The following GRIP1 variants were observed in gnomAD, a reference collection of about 807,000 sequenced individuals.
GRIP1 encodes glutamate receptor-interacting protein 1.
In GRIP1, 45 loss-of-function variants were observed where a neutral mutation model predicts 129.9. The ratio of observed to expected loss-of-function variants is 0.35; its 90% CI spans 0.27 to 0.44. The LOEUF (loss-of-function observed/expected upper bound fraction) is 0.44. Ranked by LOEUF, GRIP1 falls within the 20% of genes least tolerant of loss-of-function variation. The pLI is 1.00. For missense variants in GRIP1, 1,196 were observed against 1,396.8 expected, an observed-to-expected ratio of 0.86 and a Z score of 2.29; for synonymous variants, 530 against 520.8, an observed-to-expected ratio of 1.02 and a Z score of -0.24.
chr12:66,618,777 G>A (rs2065147538), intron 1 of GRIP1, among the ~76,000 whole-genome samples: 1 of 151,994 alleles, frequency 6.6e-6, no homozygotes, highest in African/African-American at 2.4e-5. Flanking sequence ...CTTCATACTT[G>A]TAAAACAATT....
Position 66,506,174 on chromosome 12 carries a change from A to C in GRIP1, c.724+9445T>G, listed in dbSNP as rs1469963491. ...ACTGACATGTAACCTAAGGCCTAGCAATTCCACTCTTAGGTATAATCTTAT... is the reference window on the plus strand; with the variant it reads ...ACTGACATGTAACCTAAGGCCTAGCCATTCCACTCTTAGGTATAATCTTAT... On this transcript the variant is annotated intron_variant, in intron 7 of 24. Transcript: ENST00000359742. Among the ~76,000 whole-genome samples the C allele has an allele frequency of 2.0e-5, 3 of 152,202 alleles. No homozygotes were observed. The South Asian group carries it at 6.2e-4, about 32-fold the overall frequency.
chr12:66,400,980 T>C (rs926582209), intron 16 of GRIP1, among the ~76,000 whole-genome samples: 1 of 152,124 alleles, frequency 6.6e-6, no homozygotes, highest in African/African-American at 2.4e-5. Flanking sequence ...GTATTGGGGA[T>C]TGGGTAGCAG....
intron 1 of GRIP1, among the ~76,000 whole-genome samples, chr12:66,842,083 A>G (rs2039728777): frequency 6.6e-6 from 1 of 152,128 alleles, no homozygotes; most frequent in African/African-American, 2.4e-5. Flanking sequence ...TATTGAGGAC[A>G]TATATATTGT....
At chr12:66,727,516 G>T (rs530512359) in intron 1 of GRIP1, among the ~76,000 whole-genome samples, 36 of 152,188 alleles carry the variant, frequency 2.4e-4, no homozygotes, top group Non-Finnish European at 4.9e-4. Flanking sequence ...AAGCAAAGCT[G>T]CCCCAGTCAT....
intron 4 of GRIP1, among the ~76,000 whole-genome samples, chr12:66,531,245 AAAAAAAAATATATATATATATATATAT>A (rs1403395611): frequency 1.5e-4 from 8 of 54,938 alleles, no homozygotes; most frequent in East Asian, 5.9e-4. Context: ...CAAAAAAAAA[AAAAAAAAATATATATATATATATATAT>A]ATATATATAT....
intron 1 of GRIP1, among the ~76,000 whole-genome samples, chr12:66,859,688 T>C (rs1472514033): frequency 6.6e-6 from 1 of 152,024 alleles, no homozygotes; most frequent in Non-Finnish European, 1.5e-5. Context: ...TAATTACAAC[T>C]ATATTAACCT....
rs775212246 is a variant in GRIP1, at chr12:66,420,801, G to A, written c.1769-12C>T. The A allele has an allele frequency of 1.4e-6, 2 of 1,454,090 alleles. No individual in the cohort carries two copies. Among genetic ancestry groups the A allele is most frequent in the South Asian group, 1.1e-5 (1 of 87,824 alleles). 90.1% of individuals were successfully genotyped at this position (1,454,090 alleles called of 1,614,324 possible). On this transcript the variant is annotated splice_polypyrimidine_tract_variant and intron_variant, in intron 14 of 24. Transcript: ENST00000359742. ...TCTACTGGATGGTGCTGTAATAATGGAGATAGAATAATCACATCTTTATAT... is the reference window on the plus strand; with the variant it reads ...TCTACTGGATGGTGCTGTAATAATGAAGATAGAATAATCACATCTTTATAT...
intron 1 of GRIP1, among the ~76,000 whole-genome samples, chr12:66,642,458 A>G (rs2032020484): frequency 6.6e-6 from 1 of 152,034 alleles, no homozygotes; most frequent in African/African-American, 2.4e-5. Context: ...AATTGAAGCT[A>G]GATTGTTAAG....
chr12:66,518,433 CAAGTGACCAAGTGGCTTTCATTAA>C (rs1285600224), intron 5 of GRIP1, among the ~76,000 whole-genome samples: 1 of 151,454 alleles, frequency 6.6e-6, no homozygotes, highest in Non-Finnish European at 1.5e-5. Flanking sequence ...AAAAAAAATT[CAAGTGACCAAGTGGCTTTCATTAA>C]AAGTGAGATG....
chr12:66,903,984 T>C (rs556527680), intron 1 of GRIP1, among the ~76,000 whole-genome samples: 2 of 152,318 alleles, frequency 1.3e-5, no homozygotes, highest in East Asian at 1.9e-4. Context: ...TCTGCACCTG[T>C]TGACACTTTA....
At chr12:66,945,492 C>A (rs898816039) in intron 1 of GRIP1, among the ~76,000 whole-genome samples, 4 of 151,652 alleles carry the variant, frequency 2.6e-5, no homozygotes, top group African/African-American at 9.7e-5. Flanking sequence ...CTGGGGAGGC[C>A]TTAGGAAGCT....
chr12:66,586,407 A>G (rs769390515), intron 2 of GRIP1, among the ~76,000 whole-genome samples: 8 of 151,990 alleles, frequency 5.3e-5, no homozygotes, highest in Non-Finnish European at 8.8e-5. Flanking sequence ...CTTTGGCTGA[A>G]TCTTCCTTCA....
chr12:66,967,085 C>T (rs2137557100), intron 1 of GRIP1, among the ~76,000 whole-genome samples: 1 of 152,210 alleles, frequency 6.6e-6, no homozygotes, highest in South Asian at 2.1e-4. Flanking sequence ...ATTGTTTCTT[C>T]TTTTCTAATG....
chr12:66,936,724 ACCTAGGGAAT>A (rs2041491935), intron 1 of GRIP1, among the ~76,000 whole-genome samples: 1 of 152,122 alleles, frequency 6.6e-6, no homozygotes, highest in Non-Finnish European at 1.5e-5. Flanking sequence ...TCTGTACTTA[ACCTAGGGAAT>A]CTGTCTAACT....
intron 1 of GRIP1, among the ~76,000 whole-genome samples, chr12:66,686,720 T>C (rs1213885217): frequency 6.6e-6 from 1 of 152,192 alleles, no homozygotes; most frequent in African/African-American, 2.4e-5. Context: ...TTTTGTGGCA[T>C]AGGAAGGAGT....
At chr12:66,958,978 TAGATA>T in intron 1 of GRIP1, among the ~76,000 whole-genome samples, 1 of 152,354 alleles carries the variant, frequency 6.6e-6, no homozygotes, top group East Asian at 1.9e-4. Flanking sequence ...TCCTACGTAA[TAGATA>T]AAACTTTCTT....
intron 1 of GRIP1, among the ~76,000 whole-genome samples, chr12:66,684,566 G>A (rs529881078): frequency 3.3e-5 from 5 of 152,178 alleles, no homozygotes; most frequent in Admixed American, 2.0e-4. Flanking sequence ...TTCCCCTGGC[G>A]GGGGACGGTG....
At chr12:66,767,553 C>G (rs986186325) in intron 1 of GRIP1, among the ~76,000 whole-genome samples, 2 of 144,880 alleles carry the variant, frequency 1.4e-5, no homozygotes, top group African/African-American at 5.1e-5. Flanking sequence ...GCCTTCTCAG[C>G]AAGTGGCTGT....
intron 5 of GRIP1, among the ~76,000 whole-genome samples, chr12:66,521,527 C>G (rs913577372): frequency 2.6e-5 from 4 of 151,786 alleles, no homozygotes; most frequent in Non-Finnish European, 5.9e-5. Context: ...CCTGGTGGAG[C>G]CAAGTGGCCA....
Sources: gnomAD v4.1 joint callset for allele counts (sites outside exome capture counted in the v4.1 genomes callset) on GRCh38, gnomAD v4.1.1 for gene constraint, MANE v1.5 for transcripts, NCBI Gene and HGNC (gene_info 2026-07-23, HGNC 2026-07-21) for gene names.